ESCO2: variants seen among roughly 807,000 people sequenced by gnomAD.
The protein encoded by ESCO2 is N-acetyltransferase ESCO2.
In ESCO2, 51 loss-of-function variants were observed where a neutral mutation model predicts 61.7. The observed-to-expected ratio is 0.83, with a 90% CI of 0.66 to 1.04. The LOEUF is 1.04. ESCO2 is among the 50% of genes least tolerant of loss of function. The pLI, the probability that ESCO2 is intolerant of heterozygous loss-of-function variation, is 0.00. For synonymous variants in ESCO2, 230 were observed against 238.2 expected (o/e 0.97, Z 0.32); for missense variants, 692 against 686.2 (o/e 1.01, Z -0.09).
At chr8:27,775,640 CT>C in intron 2 of ESCO2, 73 bp downstream of exon 2, 1 of 1,536,630 alleles carries the variant, frequency 6.5e-7, no homozygotes. Flanking sequence ...CTCCTATTTT[CT>C]AAAATTTTCG....
At chr8:27,805,774 T>G, downstream of ESCO2, among the ~76,000 whole-genome samples, 1 of 152,056 alleles carries the variant, frequency 6.6e-6, no homozygotes, top group Non-Finnish European at 1.5e-5. Context: ...CCACGTCTGC[T>G]TAATTTTTGT....
intron 9 of ESCO2, among the ~76,000 whole-genome samples, chr8:27,798,027 C>T (rs1805340811): frequency 6.6e-6 from 1 of 152,150 alleles, no homozygotes. Context: ...ACACACCTGT[C>T]AGAAGGGTAA....
chr8:27,777,128 C>G lies in ESCO2; in HGVS notation c.820C>G (p.Leu274Val), dbSNP rs111667783. The change falls in exon 3 of 11, where the codon CTA (leucine) becomes GTA (valine). Residue 274 changes from leucine to valine, a missense_variant. Leu to Val is a conservative substitution (Grantham distance 32). Transcript: ENST00000305188. ...CCTAGAAGAGAAATTGAAAATTGGA[C>G]TACTGAGTGCAAGCAGTAAAAATAA... Reference protein sequence around the residue: ...LVLEEKLKIGLLSASSKNKEK... With the variant: ...LVLEEKLKIGVLSASSKNKEK... The G allele has an allele frequency of 5.8e-4, 921 of 1,595,862 alleles. 13 individuals are homozygous for G. The African/African-American group carries it at 0.011, about 19-fold the overall frequency.
Position 27,799,047 on chromosome 8 carries a change from A to G in ESCO2, c.1498-494A>G, listed in dbSNP as rs528540264. ...GGTTTTGGTATTATACCAGTTATGG[A>G]AGATGTAATCATTGGGGAAAACTCA... On this transcript the variant is annotated intron_variant, in intron 9 of 10. Transcript: ENST00000305188. 1.4e-4 allele frequency among the ~76,000 whole-genome samples: 22 copies of G among 152,300 alleles called. No homozygotes were observed. In the Middle Eastern group the frequency reaches 0.01, roughly 71 times the overall value.
chr8:27,799,378 C>T (rs1233067846), intron 9 of ESCO2, among the ~76,000 whole-genome samples, 163 bp from the exon 10 acceptor site: 1 of 152,010 alleles, frequency 6.6e-6, no homozygotes, highest in African/African-American at 2.4e-5. Context: ...TTTTTTAAAG[C>T]ATTGTGTGAC....
downstream of ESCO2, chr8:27,810,473 A>C (rs1805654876): frequency 6.2e-7 from 1 of 1,603,904 alleles, no homozygotes; most frequent in African/African-American, 1.3e-5. Context: ...ATGCTTCATC[A>C]TCAAAATCAC....
chr8:27,776,778 C>T lies in ESCO2; in HGVS notation c.470C>T (p.Pro157Leu). Residue 157 changes from proline to leucine, a missense_variant, in exon 3 of 11, where the codon CCT (proline) becomes CTT (leucine). Pro to Leu is a moderately conservative substitution (Grantham distance 98). Transcript: ENST00000305188. ...CAACCAAAGTATAGACACATCAAGC[C>T]TGTATCAAGGAATTCTAGAAATTCC... ...KYQPKYRHIK[P>L]VSRNSRNSKQ... The T allele has an allele frequency of 6.2e-7, 1 of 1,613,972 alleles. No homozygotes were observed. The highest frequency in any genetic ancestry group is 8.5e-7 in the Non-Finnish European group (1 of 1,180,022).
At chr8:27,783,764 A>T (rs1272163293) in intron 4 of ESCO2, among the ~76,000 whole-genome samples, 1 of 152,092 alleles carries the variant, frequency 6.6e-6, no homozygotes, top group Non-Finnish European at 1.5e-5. Flanking sequence ...TAGATCTGTG[A>T]TCCATTTGAG....
chr8:27,787,928 A>C lies in ESCO2; in HGVS notation c.1057A>C (p.Met353Leu). The change falls in exon 6 of 11, where the codon ATG (methionine) becomes CTG (leucine). Residue 353 changes from methionine to leucine, a missense_variant. Met to Leu is a conservative substitution (Grantham distance 15). Coordinates refer to ENST00000305188, the MANE Select transcript of ESCO2 (RefSeq NM_001017420.3). ...EQFSVGSVNF[M>L]KQTNIQKNTN... Reference sequence around the variant, plus strand: ...GTTTTCTGTGGGATCTGTCAACTTCATGAAACAGACCAATATCCAGAAAAA... The same window carrying C: ...GTTTTCTGTGGGATCTGTCAACTTCCTGAAACAGACCAATATCCAGAAAAA... The C allele has an allele frequency of 6.2e-7, 1 of 1,613,858 alleles. No homozygotes were observed. Among genetic ancestry groups the C allele is most frequent in the African/African-American group, 1.3e-5 (1 of 75,062 alleles).
intron 5 of ESCO2, among the ~76,000 whole-genome samples, chr8:27,786,871 T>C (rs9314352): frequency 0.1 from 15,202 of 148,920 alleles, 931 homozygotes; most frequent in East Asian, 0.27. Context: ...TTTTTTTTTT[T>C]TTTCTTTCTT....
chr8:27,773,258 C>T (rs771781308), upstream of ESCO2, among the ~76,000 whole-genome samples: 1 of 152,184 alleles, frequency 6.6e-6, no homozygotes, highest in African/African-American at 2.4e-5. Flanking sequence ...TACCTACTAA[C>T]CTAACACTGC....
At chr8:27,778,928 T>C (rs1804861624) in intron 3 of ESCO2, 1 of 152,360 alleles carries the variant, frequency 6.6e-6, no homozygotes, top group African/African-American at 2.4e-5. Flanking sequence ...TCTGTTTTTT[T>C]ATTTTGAGAT....
intron 4 of ESCO2, 92 bp downstream of exon 4, chr8:27,780,359 C>CT (rs541233922): frequency 7.1e-5 from 62 of 875,652 alleles, no homozygotes; most frequent in Non-Finnish European, 1.1e-4. Flanking sequence ...CTGGGTCTTT[C>CT]TTTTTTCAGT....
At chr8:27,787,355 C>T (rs17057863) in intron 5 of ESCO2, among the ~76,000 whole-genome samples, 23,266 of 150,966 alleles carry the variant, frequency 0.15, 2,261 homozygotes, top group East Asian at 0.37. Context: ...AAGAATTTCA[C>T]AGTAGTGAGA....
chr8:27,788,388 A>G (rs1417516346), intron 6 of ESCO2, among the ~76,000 whole-genome samples: 1 of 152,182 alleles, frequency 6.6e-6, no homozygotes, highest in East Asian at 1.9e-4. Context: ...TAATTTCCAC[A>G]ATTTAATCTT....
In ESCO2 at chr8:27,777,073, T is replaced by C. The variant is rs780741900; in HGVS notation, c.765T>C (p.Phe255=). The C allele has an allele frequency of 2.1e-5, 33 of 1,605,598 alleles. 2 individuals carry two copies. In the Middle Eastern group the frequency reaches 1.0e-3, roughly 49 times the overall value. The part of the protein sequence containing the change: ...DVETVSEKKT[F]ATRQVPKCLV... ...AGACTGTCAGTGAAAAAAAAACTTT[T>C]GCGACAAGGCAAGTGCCAAAGTGCT... The change falls in exon 3 of 11, where the codon TTT becomes TTC. Residue 255 remains phenylalanine, a synonymous_variant. Transcript: ENST00000305188.
upstream of ESCO2, chr8:27,772,739 G>C (rs1306583448): frequency 1.7e-6 from 1 of 579,768 alleles, no homozygotes; most frequent in East Asian, 2.9e-5. Context: ...CAAGGAGTTT[G>C]GTTCAGTGAT....
In ESCO2 at chr8:27,804,316, C is replaced by G; in HGVS notation, c.*878C>G. 1.0e-6 allele frequency: 1 copy of G among 985,366 alleles called. No individual in the cohort carries two copies. Among genetic ancestry groups the G allele is most frequent in the South Asian group, 4.7e-5 (1 of 21,284 alleles). 61.0% of individuals were successfully genotyped at this position (985,366 alleles called of 1,614,324 possible). On this transcript the variant is annotated 3_prime_UTR_variant, in exon 11 of 11. Transcript: ENST00000305188. ...AATATTGGTAGTACTACTTTGGGAACCTGTTACTGACAATTGATGTCATTA... is the reference window on the plus strand; with the variant it reads ...AATATTGGTAGTACTACTTTGGGAAGCTGTTACTGACAATTGATGTCATTA...
downstream of ESCO2, among the ~76,000 whole-genome samples, chr8:27,806,077 AGTTT>A (rs1411161037): frequency 2.6e-5 from 4 of 152,178 alleles, no homozygotes; most frequent in African/African-American, 7.2e-5. Flanking sequence ...CGCTTCCCAC[AGTTT>A]GTTACCAAAA....
Sources: allele counts gnomAD v4.1 joint callset (sites outside exome capture counted in the v4.1 genomes callset), GRCh38; gene constraint gnomAD v4.1.1; transcripts MANE v1.5; gene names NCBI Gene and HGNC (gene_info 2026-07-23, HGNC 2026-07-21).